The following SLC26A7 variants were observed in gnomAD, a reference collection of about 807,000 sequenced individuals.
The protein encoded by SLC26A7 is anion exchange transporter.
SLC26A7 carries 59 observed loss-of-function variants against 82.5 expected under a neutral mutation model. That is an observed-to-expected ratio of 0.72 (90% confidence interval 0.58 to 0.89). The LOEUF (loss-of-function observed/expected upper bound fraction) is 0.89. Ranked by LOEUF, SLC26A7 falls within the 40% of genes least tolerant of loss-of-function variation. The pLI, the probability that SLC26A7 is intolerant of heterozygous loss-of-function variation, is 0.00. For missense variants in SLC26A7, 820 were observed against 793.0 expected (o/e 1.03, Z -0.41); for synonymous variants, 271 against 274.3 (o/e 0.99, Z 0.12).
intron 8 of SLC26A7, chr8:91,340,756 G>T: frequency 1.7e-6 from 1 of 578,682 alleles, no homozygotes; most frequent in Non-Finnish European, 3.0e-6. Flanking sequence ...TTTTTATTTT[G>T]GTTAAAATAG....
intron 4 of SLC26A7, among the ~76,000 whole-genome samples, chr8:91,304,271 C>T (rs1040442554): frequency 1.3e-5 from 2 of 152,116 alleles, no homozygotes; most frequent in African/African-American, 2.4e-5. Flanking sequence ...TTATAATCCC[C>T]AGTGTTAGGA....
At chr8:91,286,095 A>G (rs1811702280) in intron 2 of SLC26A7, among the ~76,000 whole-genome samples, 1 of 152,194 alleles carries the variant, frequency 6.6e-6, no homozygotes, top group Non-Finnish European at 1.5e-5. Context: ...CCAAAAGATT[A>G]TAGTAGGAGC....
intron 2 of SLC26A7, among the ~76,000 whole-genome samples, chr8:91,228,387 A>AGCTGAGAGTT: frequency 6.6e-6 from 1 of 152,344 alleles, no homozygotes; most frequent in East Asian, 1.9e-4. Flanking sequence ...CAGGCCATCC[A>AGCTGAGAGTT]CGGGCAGCTG....
intron 11 of SLC26A7, chr8:91,357,106 A>G (rs1449852002): frequency 6.6e-6 from 1 of 152,208 alleles, no homozygotes; most frequent in Non-Finnish European, 1.5e-5. Flanking sequence ...GTCATCTGGT[A>G]TCAAATAAAT....
chr8:91,317,539 G>A (rs1812671579), intron 4 of SLC26A7, among the ~76,000 whole-genome samples: 1 of 152,144 alleles, frequency 6.6e-6, no homozygotes, highest in Non-Finnish European at 1.5e-5. Flanking sequence ...GCCAAGGTAT[G>A]ATTTTTCACA....
chr8:91,277,081 T>A (rs1811426960), intron 2 of SLC26A7, among the ~76,000 whole-genome samples: 1 of 152,204 alleles, frequency 6.6e-6, no homozygotes, highest in African/African-American at 2.4e-5. Context: ...TACTGAGATG[T>A]GTGTCCTTCT....
rs1280156052 is a variant in SLC26A7 at position 91,249,841 on chromosome 8, C to G, written c.190C>G (p.Gln64Glu). ...GIMLAVQQVT[Q>E]GLAFAVLSSV... ...AATGTTGGCAGTTCAACAGGTGACC[C>G]AAGGTAATGTATTGCATTTGAGTTT... The change falls in exon 2 of 19, where the codon CAA becomes GAA. Residue 64 changes from glutamine (Q) to glutamate (E), a missense_variant. By Grantham distance (29) the Gln-to-Glu change is conservative. Coordinates refer to ENST00000276609, the MANE Select transcript of SLC26A7 (RefSeq NM_052832.4). The G allele has an allele frequency of 6.3e-6, 10 of 1,598,384 alleles. 1 individual carries two copies. The highest frequency in any genetic ancestry group is 8.5e-6 in the Non-Finnish European group (10 of 1,174,190).
Position 91,389,323 on chromosome 8 carries a change from C to T in SLC26A7, c.1676-15C>T. 1.5e-5 allele frequency: 24 copies of T among 1,600,246 alleles called. No homozygotes were observed. The highest frequency in any genetic ancestry group is 2.1e-5 in the Non-Finnish European group (24 of 1,167,516). On this transcript the variant is annotated splice_polypyrimidine_tract_variant and intron_variant, in intron 15 of 18. Coordinates refer to ENST00000276609, the MANE Select transcript of SLC26A7 (RefSeq NM_052832.4). Reference sequence around the variant, plus strand: ...TTAAAACTCTCCCTAACTCAAGTCTCTGTTTCTCCTACAGAAGAAGCTTCA... The same window carrying T: ...TTAAAACTCTCCCTAACTCAAGTCTTTGTTTCTCCTACAGAAGAAGCTTCA...
intron 16 of SLC26A7, among the ~76,000 whole-genome samples, chr8:91,390,283 T>A (rs566729402): frequency 1.3e-5 from 2 of 149,692 alleles, no homozygotes; most frequent in East Asian, 2.0e-4. Flanking sequence ...CGCCCGGCTA[T>A]TTTTTTTGTA....
rs766642601 is a variant in SLC26A7 at position 91,363,535 on chromosome 8, C to T, written c.1485C>T (p.Asp495=). ...EMEFKVKTEM[D]SETLQQVKII... ...AATTTAAAGTGAAGACAGAAATGGA[C>T]AGTGTAAGTTTAGTTTTATTTTTCC... The change falls in exon 13 of 19, where the codon GAC becomes GAT. Residue 495 remains aspartate, a synonymous_variant. Transcript: ENST00000276609. 2.0e-6 allele frequency: 3 copies of T among 1,483,656 alleles called. No homozygotes were observed. In the Admixed American group the frequency reaches 5.6e-5, roughly 28 times the overall value. 91.9% of individuals were successfully genotyped at this position (1,483,656 alleles called of 1,614,324 possible).
Position 91,352,919 on chromosome 8 carries a change from A to G in SLC26A7, c.1237A>G (p.Ile413Val). ...TTTCTAGTGTGTCCTTGCAAGCATT[A>G]TTGTTGTGGGACTGAAGGGAATGCT... ...WLPMCVLASIIVVGLKGMLIQ... is the reference protein window; with the variant it reads ...WLPMCVLASIVVVGLKGMLIQ... The change falls in exon 11 of 19, where the codon ATT becomes GTT. Residue 413 changes from isoleucine to valine, a missense_variant. By Grantham distance (29) the Ile-to-Val change is conservative. Coordinates refer to ENST00000276609, the MANE Select transcript of SLC26A7 (RefSeq NM_052832.4). 1.2e-6 allele frequency: 2 copies of G among 1,606,070 alleles called. No homozygotes were observed. Among genetic ancestry groups the G allele is most frequent in the South Asian group, 2.2e-5 (2 of 89,354 alleles).
At chr8:91,227,236 A>T (rs1458597552) in intron 2 of SLC26A7, among the ~76,000 whole-genome samples, 2 of 152,226 alleles carry the variant, frequency 1.3e-5, no homozygotes, top group African/African-American at 4.8e-5. Flanking sequence ...AACTGGAGAA[A>T]TAACTTCTTG....
chr8:91,362,099 G>C (rs950539215), intron 11 of SLC26A7, among the ~76,000 whole-genome samples: 5 of 152,040 alleles, frequency 3.3e-5, no homozygotes, highest in Non-Finnish European at 7.4e-5. Context: ...GTGTTTGTTG[G>C]GGATTGAACT....
intron 16 of SLC26A7, among the ~76,000 whole-genome samples, chr8:91,390,922 A>G (rs1008325446): frequency 3.0e-4 from 45 of 152,126 alleles, no homozygotes; most frequent in Admixed American, 2.7e-3. Flanking sequence ...TGGTTGTTGT[A>G]TATTTTTGTC....
At position 91,369,780 on chromosome 8, in the gene SLC26A7, T is replaced by A; in HGVS notation, c.1627-5T>A. On this transcript the variant is annotated splice_region_variant and splice_polypyrimidine_tract_variant and intron_variant, in intron 14 of 18. Coordinates refer to ENST00000276609, the MANE Select transcript of SLC26A7 (RefSeq NM_052832.4). Reference sequence around the variant, plus strand: ...TTTTCTTCTTTATGTTTGTTTTTATTTTAGTGTGAACAAAACACATTGCTT... The same window carrying A: ...TTTTCTTCTTTATGTTTGTTTTTATATTAGTGTGAACAAAACACATTGCTT... The A allele has an allele frequency of 6.3e-7, 1 of 1,577,842 alleles. No homozygotes were observed. The highest frequency in any genetic ancestry group is 1.4e-5 in the African/African-American group (1 of 73,134).
chr8:91,340,191 G>T (rs1156650611), intron 7 of SLC26A7, among the ~76,000 whole-genome samples: 1 of 152,158 alleles, frequency 6.6e-6, no homozygotes, highest in Admixed American at 6.5e-5. Flanking sequence ...TAAATGCATG[G>T]AGCTGTCCCT....
At chr8:91,345,892 A>G (rs962998494) in intron 9 of SLC26A7, among the ~76,000 whole-genome samples, 4 of 152,172 alleles carry the variant, frequency 2.6e-5, no homozygotes, top group Non-Finnish European at 4.4e-5. Context: ...AATTTGAGAA[A>G]GATTATACTT....
intron 9 of SLC26A7, among the ~76,000 whole-genome samples, chr8:91,344,904 T>G (rs1395193143): frequency 6.6e-6 from 1 of 152,170 alleles, no homozygotes; most frequent in African/African-American, 2.4e-5. Flanking sequence ...ATGACTCTTC[T>G]ATCTGTAAAA....
chr8:91,363,685 T>TCACAATATATGTGGC (rs1333662991), intron 13 of SLC26A7, 147 bp downstream of exon 13: 3 of 459,896 alleles, frequency 6.5e-6, no homozygotes, highest in Non-Finnish European at 1.2e-5. Flanking sequence ...ACATATGTGA[T>TCACAATATATGTGGC]CACAATATAT....
Sources: gnomAD v4.1 joint callset for allele counts (sites outside exome capture counted in the v4.1 genomes callset) on GRCh38, gnomAD v4.1.1 for gene constraint, MANE v1.5 for transcripts, NCBI Gene and HGNC (gene_info 2026-07-23, HGNC 2026-07-21) for gene names.